VIRMA: variants seen among roughly 807,000 people sequenced by gnomAD.
The protein encoded by VIRMA is vir like m6A methyltransferase associated, also known as protein virilizer homolog.
VIRMA carries 65 observed loss-of-function variants against 182.4 expected under a neutral mutation model. The observed-to-expected ratio is 0.36, with a 90% CI of 0.29 to 0.44. The LOEUF is 0.44. VIRMA is among the 20% of genes least tolerant of loss of function. VIRMA has a pLI of 1.00. For missense variants in VIRMA, 1,752 were observed against 2,158.1 expected (o/e 0.81, Z 3.73); for synonymous variants, 709 against 743.1 (o/e 0.95, Z 0.75).
At chr8:94,527,756 C>CA (rs146515239) in intron 7 of VIRMA, among the ~76,000 whole-genome samples, 36,266 of 151,574 alleles carry the variant, frequency 0.24, 5,336 homozygotes, top group East Asian at 0.51. Flanking sequence ...TTTTTAAGAC[C>CA]AAAAAAAACT....
intron 4 of VIRMA, among the ~76,000 whole-genome samples, chr8:94,535,736 C>T (rs970034431): frequency 2.0e-5 from 3 of 151,278 alleles, no homozygotes; most frequent in South Asian, 4.2e-4. Context: ...GCCAAGATTG[C>T]GCCACTGCAC....
intron 21 of VIRMA, 84 bp downstream of exon 21, chr8:94,492,568 G>A (rs1410919255): frequency 1.7e-5 from 21 of 1,247,488 alleles, no homozygotes; most frequent in Non-Finnish European, 2.3e-5. Context: ...CACCGCGCTC[G>A]GCCGCATGTG....
chr8:94,532,705 C>G (rs978445583), intron 5 of VIRMA, among the ~76,000 whole-genome samples: 1 of 152,150 alleles, frequency 6.6e-6, no homozygotes, highest in Non-Finnish European at 1.5e-5. Flanking sequence ...GTGGCTCACA[C>G]CTGTCAACCC....
Position 94,511,715 on chromosome 8 carries a change from G to A in VIRMA, c.2860C>T (p.Leu954=), listed in dbSNP as rs765960420. The stretch of plus-strand genomic sequence containing the variant: ...TGAATAACGGCAAGATTCCATTTCA[G>A]ATCTTTCTGTTGACCTTTATATAGG... The part of the protein sequence containing the change: ...PPPVEGQQKD[L]KWNLAVIQLF... Residue 954 remains leucine, a synonymous_variant, in exon 13 of 24, where the codon CTG becomes TTG. Coordinates refer to ENST00000297591, the MANE Select transcript of VIRMA (RefSeq NM_015496.5). 6.2e-7 allele frequency: 1 copy of A among 1,613,224 alleles called. No homozygotes were observed. The highest frequency in any genetic ancestry group is 1.1e-5 in the South Asian group (1 of 91,022).
intron 10 of VIRMA, among the ~76,000 whole-genome samples, chr8:94,517,451 C>T (rs1814600086): frequency 6.6e-6 from 1 of 152,244 alleles, no homozygotes; most frequent in Non-Finnish European, 1.5e-5. Context: ...GATCCACCCG[C>T]CTTGGCCTCC....
intron 22 of VIRMA, among the ~76,000 whole-genome samples, 197 bp downstream of exon 22, chr8:94,491,381 T>C (rs1178511215): frequency 6.6e-6 from 1 of 151,982 alleles, no homozygotes; most frequent in Non-Finnish European, 1.5e-5. Flanking sequence ...GTACAATGCA[T>C]GAAAGGTTCA....
chr8:94,499,646 T>C, intron 16 of VIRMA, 140 bp from the exon 17 acceptor site: 1 of 522,420 alleles, frequency 1.9e-6, no homozygotes, highest in Non-Finnish European at 3.2e-6. Flanking sequence ...TTGGTGTGTC[T>C]TTGTACACAA....
chr8:94,549,512 T>C (rs1815896055), intron 1 of VIRMA, among the ~76,000 whole-genome samples: 1 of 152,210 alleles, frequency 6.6e-6, no homozygotes, highest in African/African-American at 2.4e-5. Flanking sequence ...TTACCATCAT[T>C]AGTCCCACTA....
chr8:94,530,724 C>A (rs1024825915), intron 6 of VIRMA, among the ~76,000 whole-genome samples: 15 of 151,978 alleles, frequency 9.9e-5, no homozygotes, highest in South Asian at 2.1e-4. Flanking sequence ...CCAGCCTGGG[C>A]AAAATAGTGA....
chr8:94,532,897 G>A (rs1420510494), intron 5 of VIRMA, among the ~76,000 whole-genome samples: 1 of 152,024 alleles, frequency 6.6e-6, no homozygotes, highest in East Asian at 1.9e-4. Flanking sequence ...GGATTACGAC[G>A]TTACAGTGAG....
At chr8:94,549,846 C>T (rs112274313) in intron 1 of VIRMA, among the ~76,000 whole-genome samples, 57 of 152,196 alleles carry the variant, frequency 3.7e-4, no homozygotes, top group African/African-American at 1.0e-3. Flanking sequence ...CTGTAATCTT[C>T]GCACTTTGGG....
intron 8 of VIRMA, among the ~76,000 whole-genome samples, chr8:94,519,869 T>C (rs1814702034): frequency 6.6e-6 from 1 of 152,200 alleles, no homozygotes; most frequent in Non-Finnish European, 1.5e-5. Context: ...GCACTCCGCA[T>C]CTGCATTTGT....
At chr8:94,534,303 T>G (rs1815264663) in intron 5 of VIRMA, 1 of 152,376 alleles carries the variant, frequency 6.6e-6, no homozygotes, top group South Asian at 2.1e-4. Context: ...TTCAATTCAT[T>G]TACAAATAAT....
At chr8:94,544,442 G>A (rs945060096) in intron 1 of VIRMA, among the ~76,000 whole-genome samples, 6 of 151,972 alleles carry the variant, frequency 3.9e-5, no homozygotes, top group Non-Finnish European at 8.8e-5. Context: ...GGAGGCCCAG[G>A]CAGGTGGATC....
intron 2 of VIRMA, among the ~76,000 whole-genome samples, chr8:94,541,031 G>A (rs1411572117): frequency 6.6e-6 from 1 of 150,968 alleles, no homozygotes; most frequent in East Asian, 1.9e-4. Context: ...ATATATGTAT[G>A]AACACACACA....
chr8:94,496,516 G>A (rs779789851), intron 17 of VIRMA, 36 bp from the exon 18 acceptor site: 16 of 1,570,594 alleles, frequency 1.0e-5, no homozygotes, highest in African/African-American at 5.4e-5. Context: ...TTTGAGAACA[G>A]AGAAATTTAC....
chr8:94,538,408 A>G, intron 2 of VIRMA, 62 bp from the exon 3 acceptor site: 1 of 989,990 alleles, frequency 1.0e-6, no homozygotes, highest in Admixed American at 1.8e-5. Flanking sequence ...AATTAAAACA[A>G]ATAACATAGT....
intron 1 of VIRMA, among the ~76,000 whole-genome samples, chr8:94,547,629 A>T (rs1249162984): frequency 6.6e-6 from 1 of 150,962 alleles, no homozygotes; most frequent in African/African-American, 2.5e-5. Flanking sequence ...CTAGGACTGT[A>T]TTTTAACCCA....
Position 94,517,885 on chromosome 8 carries a change from C to T in VIRMA, c.2571G>A (p.Val857=). Residue 857 remains valine (V), a synonymous_variant, in exon 10 of 24, where the codon GTG becomes GTA. Transcript: ENST00000297591. Reference sequence around the variant, plus strand: ...GAACATCACTGGAAGACTGAACCACCACCAAAATAAGTATGCATGCGTAAT... The same window carrying T: ...GAACATCACTGGAAGACTGAACCACTACCAAAATAAGTATGCATGCGTAAT... ...AYNYACILIL[V]VVQSSSDVQM... 1 of 1,612,246 alleles carries T rather than the reference C, an allele frequency of 6.2e-7. No homozygotes were observed. Among genetic ancestry groups the T allele is most frequent in the Non-Finnish European group, 8.5e-7 (1 of 1,178,474 alleles).
Sources: gnomAD v4.1 joint callset for allele counts (sites outside exome capture counted in the v4.1 genomes callset) on GRCh38, gnomAD v4.1.1 for gene constraint, MANE v1.5 for transcripts, NCBI Gene and HGNC (gene_info 2026-07-23, HGNC 2026-07-21) for gene names.